Variants in SUV39H1 observed in about 807,000 individuals in gnomAD.
The protein encoded by SUV39H1 is histone-lysine N-methyltransferase SUV39H1.
For missense variants in SUV39H1, 180 were observed against 386.3 expected, an observed-to-expected ratio of 0.47 and a Z score of 4.48; for synonymous variants, 141 against 150.5, an observed-to-expected ratio of 0.94 and a Z score of 0.46.
chrX:48,698,171 T>C (rs2062462622), intron 1 of SUV39H1, among the ~76,000 whole-genome samples: 1 of 112,349 alleles, frequency 8.9e-6, no homozygotes, highest in Non-Finnish European at 1.9e-5. Flanking sequence ...TTTCTTAAAT[T>C]TGGCACCATT....
chrX:48,698,489 C>T (rs1428586841), intron 1 of SUV39H1, among the ~76,000 whole-genome samples: 1 of 111,470 alleles, frequency 9.0e-6, no homozygotes, highest in Admixed American at 9.5e-5. Context: ...TAATCTTGTC[C>T]TCCCATCCGC....
In SUV39H1 at chrX:48,707,646, C is replaced by T. The variant is rs1378531164; in HGVS notation, c.*76C>T. The T allele has an allele frequency of 3.5e-6, 4 of 1,144,486 alleles. No homozygotes were observed. The highest frequency in any genetic ancestry group is 1.8e-5 in the African/African-American group (1 of 55,894). 94.3% of individuals were successfully genotyped at this position (1,144,486 alleles called of 1,213,427 possible). On this transcript the variant is annotated 3_prime_UTR_variant, in exon 6 of 6. Transcript: ENST00000376687. ...ACCTCCCCCACTGCTGCCCTCCTGT[C>T]GAGAATGACTGCCAGGGCCTCGCCT... is the stretch of plus-strand genomic sequence containing the variant.
At chrX:48,696,700 T>G, upstream of SUV39H1, 1 of 1,095,877 alleles carries the variant, frequency 9.1e-7, no homozygotes, top group Non-Finnish European at 1.2e-6. Flanking sequence ...CCGCGGCCAA[T>G]AGGCTGCGCG....
chrX:48,707,213 C>T (rs1252436230), intron 5 of SUV39H1, among the ~76,000 whole-genome samples: 1 of 109,651 alleles, frequency 9.1e-6, no homozygotes, highest in African/African-American at 3.3e-5. Flanking sequence ...GTGCTGAGCC[C>T]TGGCCCTAGC....
At position 48,706,446 on chromosome X, in the gene SUV39H1, A is replaced by G. The variant is rs781965749; in HGVS notation, c.975+35A>G. The G allele has an allele frequency of 8.5e-5, 102 of 1,201,310 alleles. No individual in the cohort carries two copies. In the South Asian group the frequency reaches 1.1e-3, roughly 13 times the overall value. ...CCCGGCAGGCGGGCAAGGGGTCGAGAGGGGCAGGCTGGAGCCCCTCCTCAC... is the reference window on the plus strand; with the variant it reads ...CCCGGCAGGCGGGCAAGGGGTCGAGGGGGGCAGGCTGGAGCCCCTCCTCAC... On this transcript the variant is annotated intron_variant, in intron 4 of 5. Transcript: ENST00000376687.
chrX:48,706,159 A>G lies in SUV39H1; in HGVS notation c.829-106A>G, dbSNP rs2062490224. 2.2e-5 allele frequency: 23 copies of G among 1,042,603 alleles called. 1 individual carries two copies. The highest frequency in any genetic ancestry group is 1.5e-5 in the Non-Finnish European group (12 of 779,521). 85.9% of individuals were successfully genotyped at this position (1,042,603 alleles called of 1,213,427 possible). Reference sequence around the variant, plus strand: ...TCTGCGTCACTGCCCATGTGTGTCCACGGGCAGGGGTGCCTCCTGCTCCCT... The same window carrying G: ...TCTGCGTCACTGCCCATGTGTGTCCGCGGGCAGGGGTGCCTCCTGCTCCCT... On this transcript the variant is annotated intron_variant, in intron 3 of 5. Coordinates refer to ENST00000376687, the MANE Select transcript of SUV39H1 (RefSeq NM_003173.4).
intron 3 of SUV39H1, among the ~76,000 whole-genome samples, chrX:48,704,700 C>T (rs1195483808): frequency 8.9e-6 from 1 of 111,960 alleles, no homozygotes; most frequent in African/African-American, 3.3e-5. Context: ...CTTCTCCATT[C>T]CCCCTCAAGC....
intron 5 of SUV39H1, among the ~76,000 whole-genome samples, chrX:48,706,922 C>T (rs782546342): frequency 3.4e-4 from 38 of 110,516 alleles, no homozygotes; most frequent in Non-Finnish European, 6.3e-4. Flanking sequence ...TTCCCTCATC[C>T]CCCAGCCCCT....
chrX:48,705,155 A>T (rs2062486915), intron 3 of SUV39H1: 1 of 112,149 alleles, frequency 8.9e-6, no homozygotes, highest in Admixed American at 9.4e-5. Context: ...ACCGGCCCAC[A>T]TGAGGGTGAG....
At chrX:48,706,767 TC>T in intron 5 of SUV39H1, 140 bp downstream of exon 5, 1 of 769,521 alleles carries the variant, frequency 1.3e-6, no homozygotes, top group Non-Finnish European at 1.8e-6. Flanking sequence ...TGACTCCCAG[TC>T]CCCCATTCGG....
At chrX:48,695,574 C>T, upstream of SUV39H1, 2 of 1,074,701 alleles carry the variant, frequency 1.9e-6, no homozygotes, top group Non-Finnish European at 2.4e-6. Context: ...CCACGCTGCT[C>T]GAATCACAGC....
Position 48,699,205 on chromosome X carries a change from A to G in SUV39H1, c.165+158A>G, listed in dbSNP as rs1273166259. 3 of 530,230 alleles carry G rather than the reference A, an allele frequency of 5.7e-6. No homozygotes were observed. In the African/African-American group the frequency reaches 7.2e-5, roughly 13 times the overall value. The allele number at this position is 530,230 out of a possible 1,213,427, so 43.7% of individuals were successfully genotyped here. ...ATAGACCCTTTTATCCCTATGTTAC[A>G]GATAGGGAAACTAAGTAGCTTTCTG... On this transcript the variant is annotated intron_variant, in intron 2 of 5. Coordinates refer to ENST00000376687, the MANE Select transcript of SUV39H1 (RefSeq NM_003173.4).
At chrX:48,698,873 A>C (rs782126808) in intron 1 of SUV39H1, 29 bp from the exon 2 acceptor site, 1 of 1,201,145 alleles carries the variant, frequency 8.3e-7, no homozygotes, top group Middle Eastern at 2.9e-4. Flanking sequence ...GCTGCCCAGT[A>C]ATAGTTCTTT....
chrX:48,700,028 T>G (rs782190908), intron 2 of SUV39H1, 63 bp from the exon 3 acceptor site: 1 of 1,026,131 alleles, frequency 9.7e-7, no homozygotes, highest in Non-Finnish European at 1.3e-6. Flanking sequence ...GGAAGCCCCA[T>G]GAAGGCTGGC....
At chrX:48,696,563 G>C, upstream of SUV39H1, 4 of 348,713 alleles carry the variant, frequency 1.1e-5, no homozygotes, top group Non-Finnish European at 1.9e-5. Flanking sequence ...CGCTCCCGCT[G>C]CCGCCGCCGC....
At position 48,700,388 on chromosome X, in the gene SUV39H1, G is replaced by A. The variant is rs782400955; in HGVS notation, c.463G>A (p.Gly155Ser). The A allele has an allele frequency of 3.3e-6, 4 of 1,211,991 alleles. No homozygotes were observed. The Admixed American group carries it at 6.5e-5, about 20-fold the overall frequency. Residue 155 changes from glycine to serine, a missense_variant, in exon 3 of 6, where the codon GGC becomes AGC. By Grantham distance (56) the Gly-to-Ser change is moderately conservative (BLOSUM62 0). Coordinates refer to ENST00000376687, the MANE Select transcript of SUV39H1 (RefSeq NM_003173.4). Reference sequence around the variant, plus strand: ...TGTAGAGAATGAGGTGGACCTGGACGGCCCTCCGCGGGCCTTCGTGTACAT... The same window carrying A: ...TGTAGAGAATGAGGTGGACCTGGACAGCCCTCCGCGGGCCTTCGTGTACAT... ...ITVENEVDLD[G>S]PPRAFVYINE...
At chrX:48,703,138 T>A (rs1288797931) in intron 3 of SUV39H1, among the ~76,000 whole-genome samples, 1 of 112,728 alleles carries the variant, frequency 8.9e-6, no homozygotes, top group African/African-American at 3.2e-5. Context: ...CAGTACACAG[T>A]AAGTTTGATA....
upstream of SUV39H1, chrX:48,695,667 C>A: frequency 9.0e-7 from 1 of 1,113,807 alleles, no homozygotes; most frequent in Non-Finnish European, 1.2e-6. Context: ...GAATGACTGA[C>A]GATGTGATGA....
chrX:48,704,463 T>C (rs1384611244), intron 3 of SUV39H1, among the ~76,000 whole-genome samples: 3 of 111,024 alleles, frequency 2.7e-5, no homozygotes, highest in African/African-American at 9.9e-5. Context: ...ATCAGACAAG[T>C]GGCCAGCTTC....
Sources: allele counts gnomAD v4.1 joint callset (sites outside exome capture counted in the v4.1 genomes callset), GRCh38; gene constraint gnomAD v4.1.1; transcripts MANE v1.5; gene names NCBI Gene and HGNC (gene_info 2026-07-23, HGNC 2026-07-21).